IL1RAPL1: variants seen among roughly 807,000 people sequenced by gnomAD.
The protein encoded by IL1RAPL1 is interleukin-1 receptor accessory protein-like 1.
IL1RAPL1 carries 3 observed loss-of-function variants against 48.4 expected under a neutral mutation model. The observed-to-expected ratio is 0.06, with a 90% confidence interval of 0.03 to 0.16. The LOEUF (loss-of-function observed/expected upper bound fraction) is 0.16. Ranked by LOEUF, IL1RAPL1 falls within the 10% of genes least tolerant of loss-of-function variation. The pLI is 1.00. For missense variants in IL1RAPL1, 349 were observed against 530.6 expected (o/e 0.66, Z 3.36); for synonymous variants, 185 against 187.7 (o/e 0.99, Z 0.12).
Position 29,807,696 on chromosome X carries a change from A to C in IL1RAPL1, c.779-109768A>C, listed in dbSNP as rs1270139401. Among the ~76,000 whole-genome samples, 3 of 108,752 alleles carry C rather than the reference A, an allele frequency of 2.8e-5. No individual in the cohort carries two copies. The East Asian group carries it at 8.6e-4, about 31-fold the overall frequency. 94.4% of individuals were successfully genotyped at this position (108,752 alleles called of 115,157 possible). The stretch of plus-strand genomic sequence containing the variant: ...AAGGAAAGATGATTTTGATGCATTA[A>C]ATAGAAAACATTTTTAACAACAGCA... On this transcript the variant is annotated intron_variant, in intron 6 of 10. Transcript: ENST00000378993.
At chrX:29,302,465 G>A in intron 3 of IL1RAPL1, among the ~76,000 whole-genome samples, 2 of 111,718 alleles carry the variant, frequency 1.8e-5, no homozygotes, top group Middle Eastern at 9.2e-3. Context: ...ATGAAATAAG[G>A]AGATGAAAAA....
chrX:29,171,189 G>T (rs912488248), intron 2 of IL1RAPL1, among the ~76,000 whole-genome samples: 8 of 111,367 alleles, frequency 7.2e-5, no homozygotes, highest in African/African-American at 2.6e-4. Context: ...TAGAGACAGG[G>T]TTTCACCATA....
chrX:29,353,659 C>A (rs969401837), intron 3 of IL1RAPL1, among the ~76,000 whole-genome samples: 5 of 110,958 alleles, frequency 4.5e-5, no homozygotes, highest in Non-Finnish European at 9.5e-5. Context: ...ATAAAATATA[C>A]ATTTTATCAT....
Position 29,399,821 on chromosome X carries a change from G to GAA in IL1RAPL1, c.703+527_703+528dup, listed in dbSNP as rs113185068. On this transcript the variant is annotated intron_variant, in intron 5 of 10. Transcript: ENST00000378993. ...GGGACAAGAGCAAGACGAAGTCTCA[G>GAA]AAAAAAAAAAAAAAAGAAATGTTAG... Among the ~76,000 whole-genome samples, 37 of 73,719 alleles carry GAA rather than the reference G, an allele frequency of 5.0e-4. No individual in the cohort carries two copies. The East Asian group carries it at 0.015, about 30-fold the overall frequency. The allele number at this position is 73,719 out of a possible 115,157, so 64.0% of individuals were successfully genotyped here. A position where few individuals can be genotyped will look rare whatever the true frequency, so the allele number is the denominator to read the frequency against.
At chrX:29,710,506 A>AC (rs1264458278) in intron 6 of IL1RAPL1, among the ~76,000 whole-genome samples, 3 of 107,657 alleles carry the variant, frequency 2.8e-5, no homozygotes, top group African/African-American at 1.0e-4. Flanking sequence ...CATATGTTGA[A>AC]CCATCCTTTC....
chrX:29,258,979 A>G (rs761889434), intron 2 of IL1RAPL1, among the ~76,000 whole-genome samples: 1 of 111,140 alleles, frequency 9.0e-6, no homozygotes, highest in Admixed American at 9.6e-5. Flanking sequence ...ATATGAAATA[A>G]TTTGTTTCTC....
intron 5 of IL1RAPL1, among the ~76,000 whole-genome samples, chrX:29,404,020 T>C (rs1569303792): frequency 8.9e-6 from 1 of 112,501 alleles, no homozygotes; most frequent in Non-Finnish European, 1.9e-5. Flanking sequence ...TATAGTTAGA[T>C]TGTTTTATCA....
chrX:29,160,918 C>T (rs754559706), intron 2 of IL1RAPL1, among the ~76,000 whole-genome samples: 2 of 111,320 alleles, frequency 1.8e-5, no homozygotes, highest in South Asian at 3.8e-4. Flanking sequence ...GCCAGGCAGG[C>T]GTGGTGGTGC....
At chrX:29,306,541 A>AC (rs1255328234) in intron 3 of IL1RAPL1, among the ~76,000 whole-genome samples, 1 of 101,862 alleles carries the variant, frequency 9.8e-6, no homozygotes, top group African/African-American at 3.6e-5. Flanking sequence ...AAAAAAAAAA[A>AC]AAAAAAAAAA....
chrX:28,988,153 A>G (rs1251805872), intron 2 of IL1RAPL1, among the ~76,000 whole-genome samples: 1 of 110,782 alleles, frequency 9.0e-6, no homozygotes, highest in Non-Finnish European at 1.9e-5. Flanking sequence ...TTTTTTAACT[A>G]CGAATGGAGT....
intron 1 of IL1RAPL1, among the ~76,000 whole-genome samples, chrX:28,730,231 C>T: frequency 9.0e-6 from 1 of 111,440 alleles, no homozygotes; most frequent in Non-Finnish European, 1.9e-5. Flanking sequence ...AATTCCCCTG[C>T]TTAACTAAAC....
chrX:29,439,995 G>C (rs1160836121), intron 5 of IL1RAPL1, among the ~76,000 whole-genome samples: 1 of 904 alleles, frequency 1.1e-3, no homozygotes, highest in African/African-American at 6.3e-3. Flanking sequence ...TGACACGTGT[G>C]TGTGTGTGTG....
chrX:28,855,672 T>A (rs1921786640), intron 2 of IL1RAPL1, among the ~76,000 whole-genome samples: 2 of 111,401 alleles, frequency 1.8e-5, no homozygotes, highest in South Asian at 7.5e-4. Flanking sequence ...GTTTCTAGTT[T>A]CAGTTTCTTT....
intron 1 of IL1RAPL1, among the ~76,000 whole-genome samples, chrX:28,781,204 C>T (rs1411512586): frequency 9.0e-6 from 1 of 110,887 alleles, no homozygotes; most frequent in African/African-American, 3.3e-5. Flanking sequence ...AGTGTGAAAT[C>T]AAGATGTCAT....
At chrX:29,588,851 A>T (rs1007766901) in intron 5 of IL1RAPL1, among the ~76,000 whole-genome samples, 5 of 112,052 alleles carry the variant, frequency 4.5e-5, no homozygotes, top group African/African-American at 1.6e-4. Flanking sequence ...ATTCAATAGA[A>T]CACTTCTATA....
At chrX:29,763,781 G>A (rs757510549) in intron 6 of IL1RAPL1, among the ~76,000 whole-genome samples, 2 of 110,528 alleles carry the variant, frequency 1.8e-5, no homozygotes, top group African/African-American at 3.3e-5. Context: ...TAAAATGAAA[G>A]CAGTGATACA....
In IL1RAPL1 at chrX:29,075,238, G is replaced by C. The variant is rs532117445; in HGVS notation, c.83-207700G>C. On this transcript the variant is annotated intron_variant, in intron 2 of 10. Transcript: ENST00000378993. ...AGTTAGGGGGGATTCACAAATGGTA[G>C]GTTTCTCTGCAAAATTGAGACATAT... Among the ~76,000 whole-genome samples, 8 of 111,578 alleles carry C rather than the reference G, an allele frequency of 7.2e-5. No individual in the cohort carries two copies. The East Asian group carries it at 2.0e-3, about 27-fold the overall frequency.
At chrX:29,149,423 G>A (rs746003947) in intron 2 of IL1RAPL1, among the ~76,000 whole-genome samples, 2 of 111,251 alleles carry the variant, frequency 1.8e-5, no homozygotes, top group African/African-American at 6.5e-5. Flanking sequence ...AAGAAATACA[G>A]AGTATGAAAA....
chrX:29,423,425 A>G (rs980852771), intron 5 of IL1RAPL1, among the ~76,000 whole-genome samples: 2 of 112,401 alleles, frequency 1.8e-5, no homozygotes, highest in East Asian at 5.6e-4. Flanking sequence ...TTGGCAAAAG[A>G]AACTTCTAAA....
Sources: gnomAD v4.1 joint callset for allele counts (sites outside exome capture counted in the v4.1 genomes callset) on GRCh38, gnomAD v4.1.1 for gene constraint, MANE v1.5 for transcripts, NCBI Gene and HGNC (gene_info 2026-07-23, HGNC 2026-07-21) for gene names.